Variants in STMN4 observed in about 807,000 individuals in gnomAD.
The protein encoded by STMN4 is stathmin-4.
Under a neutral mutation model 29.1 loss-of-function variants are expected in STMN4, and 12 were observed. That is an observed-to-expected ratio of 0.41 (90% confidence interval 0.26 to 0.67). The LOEUF (loss-of-function observed/expected upper bound fraction) is 0.67. Among genes scored for constraint, STMN4 ranks in the 30% least tolerant of loss-of-function variants. The pLI is 0.30. For missense variants in STMN4, 181 were observed against 262.8 expected, an observed-to-expected ratio of 0.69 and a Z score of 2.15; for synonymous variants, 114 against 105.3, an observed-to-expected ratio of 1.08 and a Z score of -0.51.
chr8:27,256,148 C>A (rs552553541), intron 1 of STMN4, among the ~76,000 whole-genome samples: 6 of 152,182 alleles, frequency 3.9e-5, no homozygotes, highest in African/African-American at 7.2e-5. Context: ...ATCTGAGGTA[C>A]CTAGAGGAGT....
chr8:27,243,622 G>A, intron 2 of STMN4, 89 bp downstream of exon 2: 1 of 1,406,080 alleles, frequency 7.1e-7, no homozygotes. Flanking sequence ...CTTCCTGCCA[G>A]CTGTGTTCTT....
intron 1 of STMN4, among the ~76,000 whole-genome samples, chr8:27,255,406 T>A (rs11135988): frequency 0.12 from 18,529 of 152,194 alleles, 1,879 homozygotes; most frequent in East Asian, 0.42. Flanking sequence ...CAGGTAAGTA[T>A]GAAATAATAT....
rs890607968 is a variant in STMN4 at position 27,245,812 on chromosome 8, T to C, written c.-78-2011A>G. Among the ~76,000 whole-genome samples the C allele has an allele frequency of 2.0e-5, 3 of 152,276 alleles. No individual in the cohort carries two copies. The South Asian group carries it at 6.2e-4, about 32-fold the overall frequency. On this transcript the variant is annotated intron_variant, in intron 1 of 6. Transcript: ENST00000350889. Reference sequence around the variant, plus strand: ...GAGTAGGAGCAGGCAGTTGGAGTTATGGAATGTGCCTCCAGCCCGAGCTAG... The same window carrying C: ...GAGTAGGAGCAGGCAGTTGGAGTTACGGAATGTGCCTCCAGCCCGAGCTAG...
At chr8:27,250,082 C>A (rs1341031999) in intron 1 of STMN4, among the ~76,000 whole-genome samples, 2 of 152,200 alleles carry the variant, frequency 1.3e-5, no homozygotes, top group African/African-American at 4.8e-5. Flanking sequence ...GTCCTCTAAC[C>A]ACAAGCAGTA....
chr8:27,249,750 G>A (rs1345094291), intron 1 of STMN4, among the ~76,000 whole-genome samples: 1 of 152,162 alleles, frequency 6.6e-6, no homozygotes, highest in Non-Finnish European at 1.5e-5. Flanking sequence ...CTGATGTCCA[G>A]GGGGCAAACA....
At chr8:27,254,533 G>A (rs1228017054) in intron 1 of STMN4, among the ~76,000 whole-genome samples, 3 of 152,146 alleles carry the variant, frequency 2.0e-5, no homozygotes, top group African/African-American at 7.2e-5. Flanking sequence ...GCAGCTCTCA[G>A]TTTTAATTGA....
At position 27,240,013 on chromosome 8, in the gene STMN4, C is replaced by A; in HGVS notation, c.549G>T (p.Arg183Ser). 6.2e-7 allele frequency: 1 copy of A among 1,614,246 alleles called. No individual in the cohort carries two copies. The highest frequency in any genetic ancestry group is 8.5e-7 in the Non-Finnish European group (1 of 1,180,058). Residue 183 changes from arginine (R) to serine (S), a missense_variant, in exon 6 of 7, where the codon AGG (arginine) becomes AGT (serine). By Grantham distance (110) the Arg-to-Ser change is moderately radical. Coordinates refer to ENST00000350889, the MANE Select transcript of STMN4 (RefSeq NM_030795.4). ...CCAACATGGCGGCGAGGTGGGCCTC[C>A]CTGTTCTCCTTGTTGGATTCCATCT... Reference protein sequence around the residue: ...AQKMESNKENREAHLAAMLER... With the variant: ...AQKMESNKENSEAHLAAMLER...
At chr8:27,237,443 T>C (rs1801342151) in intron 6 of STMN4, among the ~76,000 whole-genome samples, 1 of 152,128 alleles carries the variant, frequency 6.6e-6, no homozygotes, top group Admixed American at 6.5e-5. Flanking sequence ...AAAATAGAGA[T>C]GGGATCTTGC....
chr8:27,243,611 G>T, intron 2 of STMN4, 100 bp downstream of exon 2: 1 of 1,303,374 alleles, frequency 7.7e-7, no homozygotes, highest in Non-Finnish European at 1.1e-6. Flanking sequence ...CACCCCGTGT[G>T]CTTCCTGCCA....
chr8:27,242,372 C>A, intron 3 of STMN4, 25 bp downstream of exon 3: 1 of 1,613,580 alleles, frequency 6.2e-7, no homozygotes, highest in Non-Finnish European at 8.5e-7. Context: ...CCGCCCCTCA[C>A]TTTCCTGGCT....
intron 2 of STMN4, 96 bp downstream of exon 2, chr8:27,243,615 C>T (rs1801540232): frequency 7.4e-7 from 1 of 1,357,872 alleles, no homozygotes. Flanking sequence ...CCGTGTGCTT[C>T]CTGCCAGCTG....
intron 1 of STMN4, among the ~76,000 whole-genome samples, chr8:27,252,649 A>T (rs1419452858): frequency 6.6e-6 from 1 of 152,202 alleles, no homozygotes; most frequent in South Asian, 2.1e-4. Context: ...CACTTAATAG[A>T]TCATCAATTT....
chr8:27,238,429 CT>C (rs1801371421), intron 6 of STMN4, among the ~76,000 whole-genome samples: 2 of 152,260 alleles, frequency 1.3e-5, no homozygotes, highest in Admixed American at 6.5e-5. Context: ...AATGTCTGCT[CT>C]GACCTCACAC....
At chr8:27,254,930 C>T (rs1375144273) in intron 1 of STMN4, among the ~76,000 whole-genome samples, 3 of 127,536 alleles carry the variant, frequency 2.4e-5, no homozygotes, top group Non-Finnish European at 3.3e-5. Context: ...TGGGAGCACT[C>T]GTGTGTGTAG....
chr8:27,257,770 C>A (rs1380878816), intron 1 of STMN4, among the ~76,000 whole-genome samples: 1 of 152,178 alleles, frequency 6.6e-6, no homozygotes, highest in African/African-American at 2.4e-5. Context: ...AGCTTTGGAG[C>A]CAGCCACCTC....
intron 5 of STMN4, among the ~76,000 whole-genome samples, 188 bp downstream of exon 5, chr8:27,240,864 AAG>A (rs1345541247): frequency 6.6e-6 from 1 of 152,192 alleles, no homozygotes; most frequent in African/African-American, 2.4e-5. Flanking sequence ...TGTGAGCTGC[AAG>A]AGGCCAAGGG....
At chr8:27,245,859 C>T (rs1260748790) in intron 1 of STMN4, among the ~76,000 whole-genome samples, 1 of 152,230 alleles carries the variant, frequency 6.6e-6, no homozygotes, top group East Asian at 1.9e-4. Context: ...GGACCCTGTG[C>T]TCAGGGGGCA....
At chr8:27,248,915 G>A (rs956142597) in intron 1 of STMN4, among the ~76,000 whole-genome samples, 2 of 152,202 alleles carry the variant, frequency 1.3e-5, no homozygotes, top group Admixed American at 6.5e-5. Flanking sequence ...GCTGGATTGA[G>A]TTCCACTCTG....
chr8:27,238,599 G>A (rs1406408879), intron 6 of STMN4, among the ~76,000 whole-genome samples: 2 of 152,112 alleles, frequency 1.3e-5, no homozygotes, highest in Non-Finnish European at 2.9e-5. Context: ...CCCTTTCCTC[G>A]GCCTCCAAAG....
Sources: gnomAD v4.1 joint callset for allele counts (sites outside exome capture counted in the v4.1 genomes callset) on GRCh38, gnomAD v4.1.1 for gene constraint, MANE v1.5 for transcripts, NCBI Gene and HGNC (gene_info 2026-07-23, HGNC 2026-07-21) for gene names.